RAB10: variants seen among roughly 807,000 people sequenced by gnomAD.
RAB10 encodes ras-related protein Rab-10.
In RAB10, 5 loss-of-function variants were observed where a neutral mutation model predicts 25.7. The ratio of observed to expected loss-of-function variants is 0.19; its 90% CI spans 0.10 to 0.41. The LOEUF (loss-of-function observed/expected upper bound fraction) is 0.41. Among genes scored for constraint, RAB10 ranks in the 10% least tolerant of loss-of-function variants. The pLI, the probability that RAB10 is intolerant of heterozygous loss-of-function variation, is 1.00. For missense variants in RAB10, 103 were observed against 245.8 expected, an observed-to-expected ratio of 0.42 and a Z score of 3.89; for synonymous variants, 89 against 86.4, an observed-to-expected ratio of 1.03 and a Z score of -0.16.
chr2:26,061,774 T>G (rs1429436292), intron 1 of RAB10, among the ~76,000 whole-genome samples: 2 of 143,726 alleles, frequency 1.4e-5, no homozygotes, highest in Middle Eastern at 3.3e-3. Context: ...CCCTTGTTTT[T>G]GAGACAGAAT....
chr2:26,101,760 C>G (rs1362234757), intron 2 of RAB10: 1 of 152,238 alleles, frequency 6.6e-6, no homozygotes, highest in African/African-American at 2.4e-5. Flanking sequence ...CTTGGAATAC[C>G]TAACACACAG....
chr2:26,094,451 C>T (rs1667169378), intron 1 of RAB10, among the ~76,000 whole-genome samples: 1 of 151,944 alleles, frequency 6.6e-6, no homozygotes, highest in African/African-American at 2.4e-5. Flanking sequence ...GGGGTTTCAC[C>T]ATGTTGGCTA....
At chr2:26,053,390 A>G (rs1666176086) in intron 1 of RAB10, among the ~76,000 whole-genome samples, 1 of 152,186 alleles carries the variant, frequency 6.6e-6, no homozygotes, top group South Asian at 2.1e-4. Flanking sequence ...TTGGGGGGAA[A>G]TGGAGTATTT....
At position 26,135,287 on chromosome 2, in the gene RAB10, A is replaced by G. The variant is rs142787485; in HGVS notation, c.*266A>G. On this transcript the variant is annotated 3_prime_UTR_variant, in exon 6 of 6. Transcript: ENST00000264710. ...CTCAGCTCAACTGCATTTCAGTTGT[A>G]TTATAGTCCAGTTCTTATCAACATT... 0.028 allele frequency: 10,321 copies of G among 369,804 alleles called. 181 individuals carry two copies. Among genetic ancestry groups the G allele is most frequent in the Non-Finnish European group, 0.039 (7,985 of 204,698 alleles). The allele number at this position is 369,804 out of a possible 1,614,324, so 22.9% of individuals were successfully genotyped here.
At chr2:26,112,816 C>T (rs996046135) in intron 3 of RAB10, among the ~76,000 whole-genome samples, 3 of 152,176 alleles carry the variant, frequency 2.0e-5, no homozygotes, top group African/African-American at 7.2e-5. Flanking sequence ...CGCAGTGGCT[C>T]ATGCCTGTAA....
At chr2:26,113,442 C>T (rs1399891570) in intron 3 of RAB10, among the ~76,000 whole-genome samples, 2 of 151,876 alleles carry the variant, frequency 1.3e-5, no homozygotes, top group East Asian at 3.9e-4. Context: ...GGTGTGATGG[C>T]AAACACCTGT....
chr2:26,038,776 G>C lies in RAB10; in HGVS notation c.127+4041G>C, dbSNP rs547493319. Among the ~76,000 whole-genome samples the C allele has an allele frequency of 1.9e-3, 282 of 151,526 alleles. 1 individual carries two copies. Among genetic ancestry groups the C allele is most frequent in the Non-Finnish European group, 3.4e-3 (230 of 67,902 alleles). On this transcript the variant is annotated intron_variant, in intron 1 of 5. Coordinates refer to ENST00000264710, the MANE Select transcript of RAB10 (RefSeq NM_016131.5). ...TCTCTACTAAAAATACAAAAAATTAGCTGTCCGTGGTGGTGGGCGCTTGTA... is the reference window on the plus strand; with the variant it reads ...TCTCTACTAAAAATACAAAAAATTACCTGTCCGTGGTGGTGGGCGCTTGTA...
chr2:26,097,182 C>T (rs1212680155), intron 1 of RAB10, among the ~76,000 whole-genome samples: 1 of 152,154 alleles, frequency 6.6e-6, no homozygotes, highest in East Asian at 1.9e-4. Flanking sequence ...TGCCACTGCA[C>T]TCTAGCCTGG....
chr2:26,087,884 T>G (rs778471657), intron 1 of RAB10, among the ~76,000 whole-genome samples: 8 of 152,206 alleles, frequency 5.3e-5, no homozygotes, highest in Non-Finnish European at 7.3e-5. Context: ...AGAGGAAACT[T>G]TCACATTCTA....
chr2:26,044,516 C>A (rs556492637), intron 1 of RAB10, among the ~76,000 whole-genome samples: 1 of 151,766 alleles, frequency 6.6e-6, no homozygotes, highest in South Asian at 2.1e-4. Flanking sequence ...GAAGTAACTT[C>A]CAGAAGGCCA....
In RAB10 at chr2:26,131,919, G is replaced by A. The variant is rs571727386; in HGVS notation, c.520-3019G>A. On this transcript the variant is annotated intron_variant, in intron 5 of 5. Coordinates refer to ENST00000264710, the MANE Select transcript of RAB10 (RefSeq NM_016131.5). Reference sequence around the variant, plus strand: ...CAAGTCTCCCAGTGAGGGACATTTAGATTATTTTCAAACTTATGTGCACAT... The same window carrying A: ...CAAGTCTCCCAGTGAGGGACATTTAAATTATTTTCAAACTTATGTGCACAT... 4.3e-4 allele frequency among the ~76,000 whole-genome samples: 65 copies of A among 152,292 alleles called. 2 individuals are homozygous for A. In the South Asian group the frequency reaches 0.013, roughly 30 times the overall value.
At chr2:26,125,523 C>T (rs1667887517) in intron 3 of RAB10, among the ~76,000 whole-genome samples, 2 of 149,454 alleles carry the variant, frequency 1.3e-5, no homozygotes, top group Admixed American at 1.3e-4. Flanking sequence ...GATCATGGCT[C>T]ACTGCAGCCT....
At chr2:26,091,725 G>A (rs555276716) in intron 1 of RAB10, among the ~76,000 whole-genome samples, 4 of 152,242 alleles carry the variant, frequency 2.6e-5, no homozygotes, top group South Asian at 4.2e-4. Context: ...TAGGGAATGC[G>A]TCAAGATAGA....
rs778552320 is a variant in RAB10, at chr2:26,134,934, G to T, written c.520-4G>T. 6.1e-5 allele frequency: 99 copies of T among 1,609,916 alleles called. No homozygotes were observed. Among genetic ancestry groups the T allele is most frequent in the Non-Finnish European group, 8.1e-5 (95 of 1,176,928 alleles). Reference sequence around the variant, plus strand: ...GAGTTATTTTCCTTGTGTGTTTGTTGCAGACCCCTGTAAAAGAGCCCAACA... The same window carrying T: ...GAGTTATTTTCCTTGTGTGTTTGTTTCAGACCCCTGTAAAAGAGCCCAACA... On this transcript the variant is annotated splice_region_variant and splice_polypyrimidine_tract_variant and intron_variant, in intron 5 of 5. Coordinates refer to ENST00000264710, the MANE Select transcript of RAB10 (RefSeq NM_016131.5).
At chr2:26,118,603 T>C (rs533083573) in intron 3 of RAB10, among the ~76,000 whole-genome samples, 1 of 152,326 alleles carries the variant, frequency 6.6e-6, no homozygotes, top group Admixed American at 6.5e-5. Context: ...TATTTAATGA[T>C]AGACAGTGAT....
chr2:26,113,187 A>G (rs1484495600), intron 3 of RAB10, among the ~76,000 whole-genome samples: 1 of 152,234 alleles, frequency 6.6e-6, no homozygotes, highest in Non-Finnish European at 1.5e-5. Context: ...GAACCTGTCA[A>G]TGTAATACAC....
rs149795832 is a variant in RAB10, at chr2:26,111,452, A to C, written c.327+1546A>C. The stretch of plus-strand genomic sequence containing the variant: ...AAACCCCGTCTCTACTAAAAATACA[A>C]ACTTAGCTGGGTGGGGTGGCACATG... On this transcript the variant is annotated intron_variant, in intron 3 of 5. Transcript: ENST00000264710. 5.3e-3 allele frequency among the ~76,000 whole-genome samples: 812 copies of C among 152,142 alleles called. 17 individuals carry two copies. The East Asian group carries it at 0.072, about 13-fold the overall frequency.
At chr2:26,075,843 G>A (rs1330752046) in intron 1 of RAB10, among the ~76,000 whole-genome samples, 1 of 152,046 alleles carries the variant, frequency 6.6e-6, no homozygotes, top group African/African-American at 2.4e-5. Flanking sequence ...CTTAAAAGGT[G>A]GAGGGTTAGG....
At chr2:26,046,337 AAAAAG>A (rs1367944075) in intron 1 of RAB10, among the ~76,000 whole-genome samples, 2 of 152,146 alleles carry the variant, frequency 1.3e-5, no homozygotes, top group African/African-American at 2.4e-5. Context: ...AAGAAAAAAA[AAAAAG>A]AAAAGGAATT....
Sources: allele counts gnomAD v4.1 joint callset (sites outside exome capture counted in the v4.1 genomes callset), GRCh38; gene constraint gnomAD v4.1.1; transcripts MANE v1.5; gene names NCBI Gene and HGNC (gene_info 2026-07-23, HGNC 2026-07-21).